Variants in WWOX observed in about 807,000 individuals in gnomAD.
The protein encoded by WWOX is WW domain containing oxidoreductase, also known as WW domain-containing oxidoreductase.
In WWOX, 69 loss-of-function variants were observed where a neutral mutation model predicts 46.2. The observed-to-expected ratio is 1.49, with a 90% CI of 1.23 to 1.82. The LOEUF is 1.82. Ranked by LOEUF, WWOX falls within the 40% of genes most tolerant of loss-of-function variation. The probability of loss-of-function intolerance (pLI) is 0.00; values close to 1 mark genes in which losing one functional copy is unlikely to be tolerated. For missense variants in WWOX, 919 were observed against 542.6 expected, an observed-to-expected ratio of 1.69 and a Z score of -6.89; for synonymous variants, 359 against 202.6, an observed-to-expected ratio of 1.77 and a Z score of -6.56.
chr16:78,267,442 A>C (rs563013988), intron 5 of WWOX, among the ~76,000 whole-genome samples: 1 of 152,202 alleles, frequency 6.6e-6, no homozygotes, highest in African/African-American at 2.4e-5. Context: ...TTTGTAGTCT[A>C]TTAAAATGTG....
At chr16:78,601,185 C>G (rs892489947) in intron 8 of WWOX, among the ~76,000 whole-genome samples, 4 of 152,194 alleles carry the variant, frequency 2.6e-5, no homozygotes, top group Admixed American at 6.5e-5. Context: ...ATATAGAACT[C>G]CTTTATCACC....
intron 8 of WWOX, among the ~76,000 whole-genome samples, chr16:79,104,258 G>A (rs532308621): frequency 2.6e-5 from 4 of 151,926 alleles, no homozygotes; most frequent in Admixed American, 1.3e-4. Context: ...TCTTATTTTG[G>A]TCTGTAAGGA....
chr16:78,842,893 G>C (rs1034867858), intron 8 of WWOX, among the ~76,000 whole-genome samples: 2 of 149,768 alleles, frequency 1.3e-5, no homozygotes, highest in African/African-American at 4.9e-5. Context: ...GATAAAGATA[G>C]ACTTAAAATA....
At chr16:78,363,653 T>C (rs2081464457) in intron 5 of WWOX, among the ~76,000 whole-genome samples, 1 of 152,192 alleles carries the variant, frequency 6.6e-6, no homozygotes, top group Non-Finnish European at 1.5e-5. Flanking sequence ...CCCTTTCTTC[T>C]AAATATACTT....
intron 5 of WWOX, among the ~76,000 whole-genome samples, chr16:78,198,803 C>G (rs1415026378): frequency 1.3e-5 from 2 of 151,790 alleles, no homozygotes; most frequent in Non-Finnish European, 2.9e-5. Context: ...TATATATATG[C>G]ATTCACACAC....
At chr16:78,983,665 C>T (rs934011937) in intron 8 of WWOX, among the ~76,000 whole-genome samples, 2 of 152,100 alleles carry the variant, frequency 1.3e-5, no homozygotes, top group Non-Finnish European at 2.9e-5. Flanking sequence ...GAATCGGCTG[C>T]AGGATGAAAC....
chr16:78,988,041 A>G (rs2046814978), intron 8 of WWOX, among the ~76,000 whole-genome samples: 1 of 152,150 alleles, frequency 6.6e-6, no homozygotes, highest in Admixed American at 6.5e-5. Flanking sequence ...GTAGGGAAAC[A>G]TAAAAGAGAG....
At chr16:79,066,825 C>A (rs917711218) in intron 8 of WWOX, among the ~76,000 whole-genome samples, 2 of 152,208 alleles carry the variant, frequency 1.3e-5, no homozygotes, top group African/African-American at 2.4e-5. Context: ...TGGCTTGTCA[C>A]CATTTTCCAG....
intron 2 of WWOX, among the ~76,000 whole-genome samples, chr16:78,109,021 A>G (rs1355586119): frequency 6.6e-6 from 1 of 152,182 alleles, no homozygotes; most frequent in East Asian, 1.9e-4. Context: ...CAAAAACCAG[A>G]AAATAATTGA....
At chr16:78,474,194 A>T (rs1005087948) in intron 8 of WWOX, among the ~76,000 whole-genome samples, 6 of 152,176 alleles carry the variant, frequency 3.9e-5, no homozygotes, top group Admixed American at 3.3e-4. Flanking sequence ...TCAAATTTTC[A>T]TTACTAACAC....
intron 8 of WWOX, among the ~76,000 whole-genome samples, chr16:78,687,642 C>T (rs1005524422): frequency 2.0e-5 from 3 of 152,138 alleles, no homozygotes; most frequent in African/African-American, 7.2e-5. Context: ...AGCTCAGGAA[C>T]CCTTGGTTAG....
At chr16:78,702,688 G>A (rs552158160) in intron 8 of WWOX, among the ~76,000 whole-genome samples, 10 of 151,528 alleles carry the variant, frequency 6.6e-5, no homozygotes, top group African/African-American at 2.4e-4. Context: ...AAGAAATGAT[G>A]TAACTGGTAG....
intron 8 of WWOX, among the ~76,000 whole-genome samples, chr16:78,710,421 T>A (rs2048414010): frequency 7.0e-6 from 1 of 143,630 alleles, no homozygotes; most frequent in Admixed American, 7.2e-5. Context: ...GCCACACCAG[T>A]GGGATGCAAG....
chr16:78,192,491 C>CAAAAAAAAAAAAAAAAAAAAAAA (rs56109773), intron 5 of WWOX, among the ~76,000 whole-genome samples: 1 of 87,512 alleles, frequency 1.1e-5, no homozygotes, highest in Non-Finnish European at 2.2e-5. Flanking sequence ...GACTCCGTCT[C>CAAAAAAAAAAAAAAAAAAAAAAA]AAAAAAAAAA....
rs528570916 is a variant in WWOX at position 79,035,702 on chromosome 16, C to T, written c.1057-175906C>T. On this transcript the variant is annotated intron_variant, in intron 8 of 8. Transcript: ENST00000566780. ...TACAAGTGTGCACCACCATGCCTGG[C>T]TAATGTTTGTATTTTTAGTAGGGAC... Among the ~76,000 whole-genome samples the T allele has an allele frequency of 6.6e-5, 10 of 152,178 alleles. No homozygotes were observed. In the East Asian group the frequency reaches 1.8e-3, roughly 27 times the overall value.
At chr16:79,179,694 C>T (rs116669615) in intron 8 of WWOX, among the ~76,000 whole-genome samples, 126 of 152,256 alleles carry the variant, frequency 8.3e-4, no homozygotes, top group African/African-American at 2.8e-3. Flanking sequence ...TTACCAGATC[C>T]TTCTTTAGTT....
chr16:78,403,349 ACTATT>A (rs2082457064), intron 6 of WWOX, among the ~76,000 whole-genome samples: 1 of 152,146 alleles, frequency 6.6e-6, no homozygotes, highest in African/African-American at 2.4e-5. Context: ...GGTACTTAAA[ACTATT>A]CTATAAAGTT....
At chr16:78,929,563 C>G (rs534285456) in intron 8 of WWOX, among the ~76,000 whole-genome samples, 1 of 152,212 alleles carries the variant, frequency 6.6e-6, no homozygotes, top group East Asian at 1.9e-4. Flanking sequence ...TTCAGTCATT[C>G]TCCTCCCCAA....
intron 8 of WWOX, among the ~76,000 whole-genome samples, chr16:78,838,329 G>A (rs2052046960): frequency 6.6e-6 from 1 of 152,178 alleles, no homozygotes; most frequent in Non-Finnish European, 1.5e-5. Flanking sequence ...AACCAGAAGA[G>A]CTGACTTCAG....
Sources: gnomAD v4.1 joint callset for allele counts (sites outside exome capture counted in the v4.1 genomes callset) on GRCh38, gnomAD v4.1.1 for gene constraint, MANE v1.5 for transcripts, NCBI Gene and HGNC (gene_info 2026-07-23, HGNC 2026-07-21) for gene names.